CNTNAP5: variants seen among roughly 807,000 people sequenced by gnomAD.
CNTNAP5 encodes contactin associated protein family member 5.
CNTNAP5 carries 72 observed loss-of-function variants against 150.2 expected under a neutral mutation model. The ratio of observed to expected loss-of-function variants is 0.48; its 90% CI spans 0.40 to 0.58. CNTNAP5 has a LOEUF of 0.58. Ranked by LOEUF, CNTNAP5 falls within the 20% of genes least tolerant of loss-of-function variation. The pLI is 0.00. For missense variants in CNTNAP5, 1,636 were observed against 1,626.2 expected, an observed-to-expected ratio of 1.01 and a Z score of -0.10; for synonymous variants, 672 against 619.8, an observed-to-expected ratio of 1.08 and a Z score of -1.25.
chr2:124,902,498 A>C (rs1448116497), intron 21 of CNTNAP5, among the ~76,000 whole-genome samples: 2 of 152,178 alleles, frequency 1.3e-5, no homozygotes, highest in Non-Finnish European at 2.9e-5. Flanking sequence ...GGGTGCTTGC[A>C]CTAATCACCA....
chr2:124,786,401 AGG>A (rs1424308908), intron 17 of CNTNAP5, among the ~76,000 whole-genome samples: 819 of 79,034 alleles, frequency 0.01, 1 homozygote, highest in African/African-American at 0.024. Context: ...GAAAGAAAGA[AGG>A]AAGGAAGGAA....
In CNTNAP5 at chr2:124,902,877, T is replaced by C; in HGVS notation, c.3437-5T>C. On this transcript the variant is annotated splice_region_variant and splice_polypyrimidine_tract_variant and intron_variant, in intron 21 of 23. Transcript: ENST00000682447. ...AAGGACTTCTGATTATCTTTTACATTGCAGAGAATCTTGGTTTGGATTCTG... is the reference window on the plus strand; with the variant it reads ...AAGGACTTCTGATTATCTTTTACATCGCAGAGAATCTTGGTTTGGATTCTG... 6.3e-7 allele frequency: 1 copy of C among 1,598,686 alleles called. No individual in the cohort carries two copies. The highest frequency in any genetic ancestry group is 8.6e-7 in the Non-Finnish European group (1 of 1,168,980).
chr2:124,519,226 C>G (rs1163207991), intron 8 of CNTNAP5, among the ~76,000 whole-genome samples: 1 of 151,864 alleles, frequency 6.6e-6, no homozygotes, highest in African/African-American at 2.4e-5. Context: ...ATCAAGGTTA[C>G]AGAGTATATT....
rs1436982653 is a variant in CNTNAP5, at chr2:124,527,347, A to T, written c.1540A>T (p.Met514Leu). Residue 514 changes from methionine (M) to leucine (L), a missense_variant, in exon 10 of 24, where the codon ATG becomes TTG. By Grantham distance (15) the Met-to-Leu change is conservative (BLOSUM62 2). Transcript: ENST00000682447. ...LNPIKAFQGCMRLIFIDNQPK... is the reference protein window; with the variant it reads ...LNPIKAFQGCLRLIFIDNQPK... ...TCCCATTAAGGCTTTCCAAGGCTGC[A>T]TGAGGCTCATCTTTATTGATAACCA... 6.2e-7 allele frequency: 1 copy of T among 1,613,756 alleles called. No homozygotes were observed. The highest frequency in any genetic ancestry group is 1.7e-5 in the Admixed American group (1 of 60,006).
Position 124,260,173 on chromosome 2 carries a change from T to C in CNTNAP5, c.381+17780T>C, listed in dbSNP as rs184646426. The stretch of plus-strand genomic sequence containing the variant: ...TGGTACTGGTACCAAAACAGAGATA[T>C]AGACAAATGGAACAGAACAGAACCC... On this transcript the variant is annotated intron_variant, in intron 3 of 23. Coordinates refer to ENST00000682447, the MANE Select transcript of CNTNAP5 (RefSeq NM_001367498.1). 1.4e-3 allele frequency among the ~76,000 whole-genome samples: 209 copies of C among 152,182 alleles called. 1 individual carries two copies. Among genetic ancestry groups the C allele is most frequent in the African/African-American group, 4.7e-3 (195 of 41,512 alleles).
At chr2:124,097,395 C>T (rs531626435) in intron 1 of CNTNAP5, among the ~76,000 whole-genome samples, 2 of 152,258 alleles carry the variant, frequency 1.3e-5, no homozygotes, top group East Asian at 3.9e-4. Flanking sequence ...ACTTTGATAG[C>T]ATCAAGAAGT....
At chr2:124,337,282 A>C (rs1689496767) in intron 3 of CNTNAP5, among the ~76,000 whole-genome samples, 2 of 152,220 alleles carry the variant, frequency 1.3e-5, no homozygotes, top group Non-Finnish European at 2.9e-5. Context: ...GCCCTTTGTC[A>C]GATGAGTAGA....
intron 1 of CNTNAP5, among the ~76,000 whole-genome samples, chr2:124,156,972 G>A (rs1040862288): frequency 6.6e-6 from 1 of 152,164 alleles, no homozygotes; most frequent in Non-Finnish European, 1.5e-5. Context: ...CAAATCACCT[G>A]ATAGTTATGG....
At chr2:124,747,494 C>G in intron 14 of CNTNAP5, 109 bp downstream of exon 14, 1 of 1,293,558 alleles carries the variant, frequency 7.7e-7, no homozygotes, top group Non-Finnish European at 1.1e-6. Flanking sequence ...CAAACTGGAG[C>G]TCCCCCGATG....
At chr2:124,857,499 G>A (rs1216873519) in intron 19 of CNTNAP5, among the ~76,000 whole-genome samples, 2 of 151,890 alleles carry the variant, frequency 1.3e-5, no homozygotes, top group East Asian at 3.9e-4. Flanking sequence ...AGCTCCTTTG[G>A]CATGCCACCC....
At chr2:124,092,813 T>C (rs1274592141) in intron 1 of CNTNAP5, among the ~76,000 whole-genome samples, 1 of 152,182 alleles carries the variant, frequency 6.6e-6, no homozygotes, top group East Asian at 1.9e-4. Context: ...AAAGATTGTT[T>C]GAGGTGGTGT....
chr2:124,666,509 A>G (rs1678703366), intron 13 of CNTNAP5, among the ~76,000 whole-genome samples: 1 of 151,698 alleles, frequency 6.6e-6, no homozygotes, highest in African/African-American at 2.4e-5. Flanking sequence ...CTGTGCCTAA[A>G]CTCCAACAGA....
chr2:124,344,371 A>AT (rs2104695338), intron 3 of CNTNAP5, among the ~76,000 whole-genome samples: 1 of 152,118 alleles, frequency 6.6e-6, no homozygotes, highest in Non-Finnish European at 1.5e-5. Context: ...AAAAAAAAAA[A>AT]GTTATTTATT....
intron 11 of CNTNAP5, among the ~76,000 whole-genome samples, chr2:124,574,163 C>T (rs145653172): frequency 5.9e-5 from 9 of 152,232 alleles, no homozygotes; most frequent in Admixed American, 2.6e-4. Context: ...AGAGGCAAAA[C>T]GTCACCAGTA....
intron 3 of CNTNAP5, among the ~76,000 whole-genome samples, chr2:124,357,475 AT>A (rs1434459761): frequency 6.6e-6 from 1 of 151,896 alleles, no homozygotes; most frequent in African/African-American, 2.4e-5. Flanking sequence ...TCTTGAATTG[AT>A]TTTTGTATAA....
At chr2:124,524,212 C>T (rs1267411203) in intron 8 of CNTNAP5, 91 bp from the exon 9 acceptor site, 2 of 1,336,512 alleles carry the variant, frequency 1.5e-6, no homozygotes, top group East Asian at 4.7e-5. Context: ...CTGAGAATGG[C>T]ATGGACGGCA....
At chr2:124,435,220 A>ACCAGATT (rs1302140565) in intron 5 of CNTNAP5, among the ~76,000 whole-genome samples, 1 of 152,114 alleles carries the variant, frequency 6.6e-6, no homozygotes, top group Non-Finnish European at 1.5e-5. Flanking sequence ...CCCCAGACTC[A>ACCAGATT]CCAGATTCCA....
chr2:124,777,399 G>C lies in CNTNAP5; in HGVS notation c.2752+4382G>C, dbSNP rs184041661. ...TCGCTATTATATATTTTTTGAAACA[G>C]AGTCTCTCTCCATCGCCCAGGCTGG... is the stretch of plus-strand genomic sequence containing the variant. On this transcript the variant is annotated intron_variant, in intron 17 of 23. Coordinates refer to ENST00000682447, the MANE Select transcript of CNTNAP5 (RefSeq NM_001367498.1). 2.2e-4 allele frequency among the ~76,000 whole-genome samples: 34 copies of C among 152,132 alleles called. No homozygotes were observed. In the Middle Eastern group the frequency reaches 0.01, roughly 46 times the overall value.
At chr2:124,776,306 TG>T (rs1681323034) in intron 17 of CNTNAP5, among the ~76,000 whole-genome samples, 2 of 152,202 alleles carry the variant, frequency 1.3e-5, no homozygotes, top group Middle Eastern at 6.8e-3. Flanking sequence ...TTGGCCCAAC[TG>T]CTCTATTTGT....
Sources: allele counts gnomAD v4.1 joint callset (sites outside exome capture counted in the v4.1 genomes callset), GRCh38; gene constraint gnomAD v4.1.1; transcripts MANE v1.5; gene names NCBI Gene and HGNC (gene_info 2026-07-23, HGNC 2026-07-21).